The following ALPK1 variants were observed in gnomAD, a reference collection of about 807,000 sequenced individuals.
ALPK1 encodes the protein alpha kinase 1.
ALPK1 carries 110 observed loss-of-function variants against 120.6 expected under a neutral mutation model. That is an observed-to-expected ratio of 0.91 (90% CI 0.78 to 1.07). The LOEUF (loss-of-function observed/expected upper bound fraction) is 1.07, where lower values mean the gene tolerates loss of function less well. Ranked by LOEUF, ALPK1 falls within the 50% of genes least tolerant of loss-of-function variation. The pLI, the probability that ALPK1 is intolerant of heterozygous loss-of-function variation, is 0.00. For synonymous variants in ALPK1, 582 were observed against 560.3 expected, an observed-to-expected ratio of 1.04 and a Z score of -0.55; for missense variants, 1,498 against 1,483.9, an observed-to-expected ratio of 1.01 and a Z score of -0.16.
rs543641173 is a variant in ALPK1 at position 112,432,603 on chromosome 4, G to A, written c.3034+22G>A. The A allele has an allele frequency of 3.6e-5, 58 of 1,594,954 alleles. No homozygotes were observed. In the South Asian group the frequency reaches 3.7e-4, roughly 10 times the overall value. On this transcript the variant is annotated intron_variant, in intron 11 of 15. Coordinates refer to ENST00000650871, the MANE Select transcript of ALPK1 (RefSeq NM_025144.4). ...CATAGTAAGTACAATCTTTTCAATAGTTCCCCCCTCAGGAAGCAGCTGTGT... is the reference window on the plus strand; with the variant it reads ...CATAGTAAGTACAATCTTTTCAATAATTCCCCCCTCAGGAAGCAGCTGTGT...
At chr4:112,369,251 C>T (rs1357007691) in intron 2 of ALPK1, among the ~76,000 whole-genome samples, 1 of 152,114 alleles carries the variant, frequency 6.6e-6, no homozygotes, top group African/African-American at 2.4e-5. Context: ...ATGCCTGTTA[C>T]CCAATAATAT....
chr4:112,441,244 C>A lies in ALPK1; in HGVS notation c.*34C>A. ...ACAGTCTGGTCCTTTGGGGCTTGGG[C>A]AGGGCCGTGACACAGGTTCTGGCCA... On this transcript the variant is annotated 3_prime_UTR_variant, in exon 16 of 16. Coordinates refer to ENST00000650871, the MANE Select transcript of ALPK1 (RefSeq NM_025144.4). 7.1e-7 allele frequency: 1 copy of A among 1,413,966 alleles called. No individual in the cohort carries two copies. Among genetic ancestry groups the A allele is most frequent in the East Asian group, 2.3e-5 (1 of 43,976 alleles). The allele number at this position is 1,413,966 out of a possible 1,614,324, so 87.6% of individuals were successfully genotyped here. A position where few individuals can be genotyped will look rare whatever the true frequency, so the allele number is the denominator to read the frequency against.
Position 112,431,391 on chromosome 4 carries a change from A to G in ALPK1, c.1844A>G (p.His615Arg). ...RSARKEPGKE[H>R]LVDTQCSTAL... ...GCCAGAAAAGAGCCTGGCAAAGAAC[A>G]TCTGGTGGACACTCAGTGTTCCACT... The change falls in exon 11 of 16, where the codon CAT becomes CGT. Residue 615 changes from histidine (H) to arginine (R), a missense_variant. Coordinates refer to ENST00000650871, the MANE Select transcript of ALPK1 (RefSeq NM_025144.4). 1 of 1,614,240 alleles carries G rather than the reference A, an allele frequency of 6.2e-7. No homozygotes were observed. Among genetic ancestry groups the G allele is most frequent in the Non-Finnish European group, 8.5e-7 (1 of 1,180,030 alleles).
At chr4:112,422,663 T>C (rs1256310706) in intron 5 of ALPK1, among the ~76,000 whole-genome samples, 2 of 152,356 alleles carry the variant, frequency 1.3e-5, no homozygotes, top group Middle Eastern at 3.4e-3. Context: ...ACAGTAATAA[T>C]TCATTCAGTC....
chr4:112,399,014 A>G (rs1184619722), intron 4 of ALPK1, among the ~76,000 whole-genome samples: 1 of 152,232 alleles, frequency 6.6e-6, no homozygotes, highest in Non-Finnish European at 1.5e-5. Context: ...TGCTTTAAAC[A>G]TGATGAGTTT....
intron 2 of ALPK1, among the ~76,000 whole-genome samples, chr4:112,322,157 A>G (rs1560635937): frequency 6.6e-6 from 1 of 152,232 alleles, no homozygotes. Flanking sequence ...TTGTCACAGA[A>G]TTTTCAGATA....
At position 112,341,542 on chromosome 4, in the gene ALPK1, C is replaced by A. The variant is rs138848511; in HGVS notation, c.-101+25690C>A. On this transcript the variant is annotated intron_variant, in intron 2 of 15. Transcript: ENST00000650871. ...GCCATCTTTGATCTAAAAATATGTG[C>A]TGTACCAAATTCATTATGTCTTTTT... Among the ~76,000 whole-genome samples the A allele has an allele frequency of 1.5e-3, 232 of 152,282 alleles. 1 individual carries two copies. Among genetic ancestry groups the A allele is most frequent in the African/African-American group, 4.5e-3 (189 of 41,540 alleles).
Position 112,306,482 on chromosome 4 carries a change from G to T in ALPK1, c.-153+9013G>T, listed in dbSNP as rs986733727. The stretch of plus-strand genomic sequence containing the variant: ...TTCTTCCTGGTTTAATCTTGGGAGG[G>T]TGTATGTGTCGAGGAATTTATCCAT... On this transcript the variant is annotated intron_variant, in intron 1 of 15. Transcript: ENST00000650871. Among the ~76,000 whole-genome samples, 32 of 152,134 alleles carry T rather than the reference G, an allele frequency of 2.1e-4. 1 individual carries two copies. The highest frequency in any genetic ancestry group is 7.3e-4 in the African/African-American group (30 of 41,374).
At chr4:112,318,122 A>G (rs540818995) in intron 2 of ALPK1, among the ~76,000 whole-genome samples, 1 of 152,346 alleles carries the variant, frequency 6.6e-6, no homozygotes, top group African/African-American at 2.4e-5. Flanking sequence ...ACCTTTTTAA[A>G]GTATATACTT....
At chr4:112,312,952 A>G (rs1427859017) in intron 1 of ALPK1, among the ~76,000 whole-genome samples, 1 of 152,154 alleles carries the variant, frequency 6.6e-6, no homozygotes, top group Non-Finnish European at 1.5e-5. Flanking sequence ...CCTTCCGGTA[A>G]CCCCAACTGC....
chr4:112,361,239 G>A (rs923418690), intron 2 of ALPK1, among the ~76,000 whole-genome samples: 23 of 152,208 alleles, frequency 1.5e-4, no homozygotes, highest in African/African-American at 5.1e-4. Flanking sequence ...TGCTGCTGCA[G>A]GCTCTGTGGG....
At position 112,441,394 on chromosome 4, in the gene ALPK1, C is replaced by G. The variant is rs1210185826; in HGVS notation, c.*184C>G. On this transcript the variant is annotated 3_prime_UTR_variant, in exon 16 of 16. Transcript: ENST00000650871. The stretch of plus-strand genomic sequence containing the variant: ...AGAATGGGTCAGGAGACCGCTGCTT[C>G]TGGGCATAAGTCCTGCAAGGAAAGC... 1 of 667,094 alleles carries G rather than the reference C, an allele frequency of 1.5e-6. No individual in the cohort carries two copies. Among genetic ancestry groups the G allele is most frequent in the Non-Finnish European group, 2.7e-6 (1 of 370,670 alleles). The allele number at this position is 667,094 out of a possible 1,614,324, so 41.3% of individuals were successfully genotyped here. A position where few individuals can be genotyped will look rare whatever the true frequency, so the allele number is the denominator to read the frequency against.
chr4:112,414,494 G>A (rs1733643848), intron 5 of ALPK1: 2 of 331,122 alleles, frequency 6.0e-6, no homozygotes, highest in Non-Finnish European at 1.2e-5. Context: ...TGTAATCCCA[G>A]CTACTTAGGA....
intron 4 of ALPK1, among the ~76,000 whole-genome samples, chr4:112,400,912 C>G (rs1732879761): frequency 6.6e-6 from 1 of 152,114 alleles, no homozygotes; most frequent in Non-Finnish European, 1.5e-5. Context: ...TCACCCCCAT[C>G]AGATAATGTG....
At chr4:112,335,282 G>T (rs888888161) in intron 2 of ALPK1, among the ~76,000 whole-genome samples, 1 of 144,862 alleles carries the variant, frequency 6.9e-6, no homozygotes, top group African/African-American at 2.6e-5. Context: ...AAAAAAAAAA[G>T]ATACTTTTTG....
chr4:112,432,194 CAGA>C lies in ALPK1; in HGVS notation c.2648_2650del (p.Gln883del). On this transcript the variant is annotated inframe_deletion, in exon 11 of 16. Coordinates refer to ENST00000650871, the MANE Select transcript of ALPK1 (RefSeq NM_025144.4). ...GTGCATTCTGAGACAGCCGCCTGGT[CAGA>C]GGGCGGAGACCCCCAATTCCTCTGT... The C allele has an allele frequency of 6.2e-7, 1 of 1,614,178 alleles. No individual in the cohort carries two copies. The highest frequency in any genetic ancestry group is 8.5e-7 in the Non-Finnish European group (1 of 1,180,028).
chr4:112,319,037 G>A (rs561462933), intron 2 of ALPK1, among the ~76,000 whole-genome samples: 21 of 152,300 alleles, frequency 1.4e-4, no homozygotes, highest in East Asian at 3.9e-4. Flanking sequence ...AAGTAACACC[G>A]TCAGTTCTGC....
At chr4:112,407,975 C>T (rs188416123) in intron 4 of ALPK1, among the ~76,000 whole-genome samples, 10 of 152,032 alleles carry the variant, frequency 6.6e-5, no homozygotes, top group African/African-American at 2.4e-4. Flanking sequence ...GGCGTGGTGG[C>T]GTGCACCTGT....
At position 112,430,580 on chromosome 4, in the gene ALPK1, G is replaced by A. The variant is rs764331395; in HGVS notation, c.1033G>A (p.Val345Ile). Residue 345 changes from valine to isoleucine, a missense_variant, in exon 11 of 16, where the codon GTT becomes ATT. Val to Ile is a conservative substitution (Grantham distance 29). Coordinates refer to ENST00000650871, the MANE Select transcript of ALPK1 (RefSeq NM_025144.4). ...GLLTKRDDEP[V>I]TGKQELHSFV... is the part of the protein sequence containing the mutation. ...CCTCACCAAGAGAGATGATGAGCCTGTTACTGGAAAACAGGAGCTTCACAG... is the reference window on the plus strand; with the variant it reads ...CCTCACCAAGAGAGATGATGAGCCTATTACTGGAAAACAGGAGCTTCACAG... The A allele has an allele frequency of 6.2e-7, 1 of 1,614,196 alleles. No individual in the cohort carries two copies. Among genetic ancestry groups the A allele is most frequent in the Non-Finnish European group, 8.5e-7 (1 of 1,180,022 alleles).
Sources: gnomAD v4.1 joint callset for allele counts (sites outside exome capture counted in the v4.1 genomes callset) on GRCh38, gnomAD v4.1.1 for gene constraint, MANE v1.5 for transcripts, NCBI Gene and HGNC (gene_info 2026-07-23, HGNC 2026-07-21) for gene names.